Variants in CSMD1 observed in about 807,000 individuals in gnomAD.
CSMD1 encodes the protein CUB and sushi domain-containing protein 1.
In CSMD1, 213 loss-of-function variants were observed where a neutral mutation model predicts 417.5. The ratio of observed to expected loss-of-function variants is 0.51; its 90% CI spans 0.46 to 0.57. The LOEUF is 0.57. Among genes scored for constraint, CSMD1 ranks in the 20% least tolerant of loss-of-function variants. The probability of loss-of-function intolerance (pLI) is 0.00; values close to 1 mark genes in which losing one functional copy is unlikely to be tolerated. For synonymous variants in CSMD1, 2,862 were observed against 1,736.8 expected (o/e 1.65, Z -16.11); for missense variants, 6,923 against 4,529.7 (o/e 1.53, Z -15.17).
chr8:3,230,424 T>C (rs571467602), intron 26 of CSMD1, among the ~76,000 whole-genome samples, 193 bp from the exon 27 acceptor site: 1 of 152,316 alleles, frequency 6.6e-6, no homozygotes, highest in Non-Finnish European at 1.5e-5. Context: ...GTGCTTGCAT[T>C]GCATAAACTC....
intron 41 of CSMD1, among the ~76,000 whole-genome samples, chr8:3,135,897 A>G (rs1398097818): frequency 6.6e-6 from 1 of 152,136 alleles, no homozygotes; most frequent in Non-Finnish European, 1.5e-5. Context: ...CATATCATCC[A>G]TGTGTATTAG....
chr8:4,296,696 G>GTTTTTTTTTTTTTTT (rs371696159), intron 3 of CSMD1, among the ~76,000 whole-genome samples: 2 of 114,870 alleles, frequency 1.7e-5, no homozygotes, highest in Non-Finnish European at 3.3e-5. Context: ...GAAAATAAGG[G>GTTTTTTTTTTTTTTT]TTTTTTTTTT....
At chr8:4,501,701 A>G (rs1332133952) in intron 2 of CSMD1, among the ~76,000 whole-genome samples, 2 of 152,172 alleles carry the variant, frequency 1.3e-5, no homozygotes, top group South Asian at 2.1e-4. Flanking sequence ...GATTCACACT[A>G]TCTACATTAG....
chr8:4,245,486 T>C (rs1008596723), intron 3 of CSMD1, among the ~76,000 whole-genome samples: 19 of 152,070 alleles, frequency 1.2e-4, no homozygotes, highest in African/African-American at 4.6e-4. Flanking sequence ...CAAAAACTCT[T>C]CATGAAGAGC....
intron 6 of CSMD1, among the ~76,000 whole-genome samples, chr8:3,734,008 G>A (rs954593963): frequency 1.3e-5 from 2 of 152,092 alleles, no homozygotes; most frequent in African/African-American, 4.8e-5. Flanking sequence ...GCAAGGGTGT[G>A]AGTGTGTATA....
chr8:4,647,106 A>G (rs947719320), intron 1 of CSMD1, among the ~76,000 whole-genome samples: 1 of 152,212 alleles, frequency 6.6e-6, no homozygotes, highest in African/African-American at 2.4e-5. Flanking sequence ...ATATGAAGAA[A>G]TTGATCTCCA....
At chr8:2,986,253 G>A (rs973982004) in intron 54 of CSMD1, among the ~76,000 whole-genome samples, 6 of 152,184 alleles carry the variant, frequency 3.9e-5, no homozygotes, top group Non-Finnish European at 7.4e-5. Context: ...CAGGCACTTG[G>A]CCAAGCATTG....
At chr8:4,981,624 C>A (rs1164137956) in intron 1 of CSMD1, among the ~76,000 whole-genome samples, 4 of 152,162 alleles carry the variant, frequency 2.6e-5, no homozygotes, top group Non-Finnish European at 5.9e-5. Context: ...TTGCTAAGCT[C>A]TTTGCTGACT....
chr8:3,595,969 A>G (rs761741586), intron 8 of CSMD1, among the ~76,000 whole-genome samples: 1 of 152,160 alleles, frequency 6.6e-6, no homozygotes, highest in Non-Finnish European at 1.5e-5. Flanking sequence ...TCTCCCTGAG[A>G]TCCAAGGTGA....
intron 50 of CSMD1, among the ~76,000 whole-genome samples, chr8:3,031,520 T>C (rs1810339358): frequency 6.6e-6 from 1 of 152,140 alleles, no homozygotes; most frequent in South Asian, 2.1e-4. Flanking sequence ...AAACTTTATT[T>C]CTGCCAAGAA....
intron 1 of CSMD1, among the ~76,000 whole-genome samples, chr8:4,755,555 T>G (rs1484891206): frequency 6.6e-6 from 1 of 152,194 alleles, no homozygotes; most frequent in Admixed American, 6.5e-5. Context: ...TGATTTTCTA[T>G]TTGATGTAAT....
Position 3,290,020 on chromosome 8 carries a change from G to A in CSMD1, c.3951-5674C>T, listed in dbSNP as rs560753069. ...ATTTTTGTGTAAGGTGTAAGGAAGG[G>A]ATCCAGTTTCAGCTTTCTACATATG... On this transcript the variant is annotated intron_variant, in intron 25 of 69. Transcript: ENST00000635120. Among the ~76,000 whole-genome samples the A allele has an allele frequency of 2.0e-5, 3 of 146,996 alleles. No homozygotes were observed. In the South Asian group the frequency reaches 6.2e-4, roughly 31 times the overall value.
chr8:4,827,426 G>C (rs902573793), intron 1 of CSMD1, among the ~76,000 whole-genome samples: 6 of 152,082 alleles, frequency 3.9e-5, no homozygotes, highest in Non-Finnish European at 1.5e-5. Context: ...AGAAAAGCTC[G>C]ACAGAAACTC....
At chr8:4,777,418 G>T (rs983025708) in intron 1 of CSMD1, among the ~76,000 whole-genome samples, 14 of 152,244 alleles carry the variant, frequency 9.2e-5, no homozygotes, top group African/African-American at 3.1e-4. Context: ...CATCTCAAAA[G>T]AACATTCTCC....
intron 5 of CSMD1, among the ~76,000 whole-genome samples, chr8:3,935,283 G>A (rs1395046756): frequency 2.0e-5 from 3 of 152,106 alleles, no homozygotes; most frequent in Non-Finnish European, 4.4e-5. Flanking sequence ...CATAGATACT[G>A]TATTTGATAC....
intron 6 of CSMD1, among the ~76,000 whole-genome samples, chr8:3,745,326 G>A (rs573591072): frequency 4.9e-4 from 75 of 152,298 alleles, no homozygotes; most frequent in African/African-American, 9.6e-4. Context: ...GAACCTGGTT[G>A]GAATCTCATG....
At chr8:3,488,786 C>A (rs138424980) in intron 11 of CSMD1, among the ~76,000 whole-genome samples, 1 of 152,262 alleles carries the variant, frequency 6.6e-6, no homozygotes, top group East Asian at 1.9e-4. Flanking sequence ...TCTGTCTATA[C>A]TGTCACTGGC....
intron 1 of CSMD1, among the ~76,000 whole-genome samples, chr8:4,813,348 A>G (rs1237628041): frequency 6.8e-6 from 1 of 146,246 alleles, no homozygotes; most frequent in Non-Finnish European, 1.5e-5. Flanking sequence ...AAGATTCTGG[A>G]AAAAAAAAAT....
intron 3 of CSMD1, among the ~76,000 whole-genome samples, chr8:4,418,020 A>G (rs1002062827): frequency 1.3e-5 from 2 of 152,056 alleles, no homozygotes; most frequent in African/African-American, 2.4e-5. Flanking sequence ...CAAATAACGC[A>G]CACTCATTTT....
Sources: gnomAD v4.1 joint callset for allele counts (sites outside exome capture counted in the v4.1 genomes callset) on GRCh38, gnomAD v4.1.1 for gene constraint, MANE v1.5 for transcripts, NCBI Gene and HGNC (gene_info 2026-07-23, HGNC 2026-07-21) for gene names.